Variants in LRRC7 observed in about 807,000 individuals in gnomAD.
LRRC7 encodes the protein leucine-rich repeat-containing protein 7.
In LRRC7, 23 loss-of-function variants were observed where a neutral mutation model predicts 175.7. That is an observed-to-expected ratio of 0.13 (90% CI 0.09 to 0.19). The LOEUF (loss-of-function observed/expected upper bound fraction) is 0.19, where lower values mean the gene tolerates loss of function less well. Among genes scored for constraint, LRRC7 ranks in the 10% least tolerant of loss-of-function variants. The pLI, the probability that LRRC7 is intolerant of heterozygous loss-of-function variation, is 1.00. For missense variants in LRRC7, 1,354 were observed against 1,904.7 expected, an observed-to-expected ratio of 0.71 and a Z score of 5.38; for synonymous variants, 685 against 680.9, an observed-to-expected ratio of 1.01 and a Z score of -0.09.
intron 7 of LRRC7, among the ~76,000 whole-genome samples, chr1:69,856,767 G>A (rs1434410784): frequency 6.6e-6 from 1 of 152,100 alleles, no homozygotes; most frequent in Non-Finnish European, 1.5e-5. Context: ...GTTTTATGAG[G>A]CCAGCATCAT....
chr1:69,809,509 C>T (rs1253596340), intron 4 of LRRC7, among the ~76,000 whole-genome samples: 1 of 152,046 alleles, frequency 6.6e-6, no homozygotes, highest in African/African-American at 2.4e-5. Flanking sequence ...TGGTGAACAT[C>T]GATGCAAAAA....
chr1:69,928,924 G>A (rs560892282), intron 7 of LRRC7, among the ~76,000 whole-genome samples: 226 of 152,314 alleles, frequency 1.5e-3, no homozygotes, highest in African/African-American at 4.7e-3. Context: ...GCTGTAGACC[G>A]GAGCTGTTCC....
intron 10 of LRRC7, among the ~76,000 whole-genome samples, chr1:69,990,051 A>C (rs1654289775): frequency 6.6e-6 from 1 of 152,126 alleles, no homozygotes; most frequent in Non-Finnish European, 1.5e-5. Context: ...GTGAGCACAC[A>C]ACAAATATAT....
intron 8 of LRRC7, among the ~76,000 whole-genome samples, chr1:69,959,545 C>T (rs2101840144): frequency 6.6e-6 from 1 of 152,092 alleles, no homozygotes; most frequent in Non-Finnish European, 1.5e-5. Flanking sequence ...GAATAAGTTA[C>T]TGAGGTGGAG....
intron 1 of LRRC7, among the ~76,000 whole-genome samples, chr1:69,645,512 TTTTG>T (rs1272793374): frequency 6.6e-6 from 1 of 152,030 alleles, no homozygotes; most frequent in Non-Finnish European, 1.5e-5. Flanking sequence ...TCTTTTCCCT[TTTTG>T]TTCAATTCTC....
rs184525517 is a variant in LRRC7, at chr1:70,078,367, C to T, written c.4452+2069C>T. Reference sequence around the variant, plus strand: ...TGGCCAGCTCATATTGGCACATTGTCATGTGCTCCTCTTCCCAATGGCACC... The same window carrying T: ...TGGCCAGCTCATATTGGCACATTGTTATGTGCTCCTCTTCCCAATGGCACC... On this transcript the variant is annotated intron_variant, in intron 24 of 26. Transcript: ENST00000651989. Among the ~76,000 whole-genome samples, 165 of 152,228 alleles carry T rather than the reference C, an allele frequency of 1.1e-3. 1 individual carries two copies. Among genetic ancestry groups the T allele is most frequent in the African/African-American group, 3.8e-3 (156 of 41,556 alleles).
At chr1:69,578,705 C>T (rs1383235916) in intron 1 of LRRC7, among the ~76,000 whole-genome samples, 1 of 149,254 alleles carries the variant, frequency 6.7e-6, no homozygotes, top group Non-Finnish European at 1.5e-5. Flanking sequence ...AAAAACCAAA[C>T]ACCACATATT....
At chr1:70,110,681 T>C (rs1245378947) in intron 26 of LRRC7, among the ~76,000 whole-genome samples, 2 of 152,190 alleles carry the variant, frequency 1.3e-5, no homozygotes, top group African/African-American at 4.8e-5. Flanking sequence ...AACTCACTTG[T>C]ACCTAGTCCA....
intron 1 of LRRC7, among the ~76,000 whole-genome samples, chr1:69,628,136 T>C (rs1257746293): frequency 2.6e-5 from 4 of 152,064 alleles, no homozygotes; most frequent in African/African-American, 9.7e-5. Flanking sequence ...TCCTAGCTAA[T>C]GCTATAAGAG....
Position 70,114,602 on chromosome 1 carries a change from C to A in LRRC7, c.4620+6776C>A, listed in dbSNP as rs554351034. ...ACTCAAGAGGCTGAGGTAGGAGGATCCTTCAAGCCCAGGAGGTTGAGGCTG... is the reference window on the plus strand; with the variant it reads ...ACTCAAGAGGCTGAGGTAGGAGGATACTTCAAGCCCAGGAGGTTGAGGCTG... On this transcript the variant is annotated intron_variant, in intron 26 of 26. Transcript: ENST00000651989. Among the ~76,000 whole-genome samples, 14 of 152,238 alleles carry A rather than the reference C, an allele frequency of 9.2e-5. 1 individual carries two copies. The South Asian group carries it at 2.5e-3, about 27-fold the overall frequency.
intron 13 of LRRC7, among the ~76,000 whole-genome samples, chr1:70,015,904 G>C (rs918655293): frequency 6.6e-6 from 1 of 152,122 alleles, no homozygotes; most frequent in African/African-American, 2.4e-5. Flanking sequence ...CTACAGTTTA[G>C]TTTTCAAGGG....
At chr1:70,072,895 T>A (rs1264805727) in intron 23 of LRRC7, among the ~76,000 whole-genome samples, 1 of 152,212 alleles carries the variant, frequency 6.6e-6, no homozygotes, top group Non-Finnish European at 1.5e-5. Flanking sequence ...CTTTTGTTCC[T>A]TTTCATGGTT....
intron 2 of LRRC7, among the ~76,000 whole-genome samples, chr1:69,733,969 G>T (rs1283381633): frequency 2.0e-5 from 3 of 151,908 alleles, no homozygotes; most frequent in Admixed American, 6.6e-5. Flanking sequence ...CTATAAATAG[G>T]AGTTTGAGTT....
rs934843378 is a variant in LRRC7, at chr1:70,129,458, A to G, written c.*7571A>G. On this transcript the variant is annotated 3_prime_UTR_variant, in exon 27 of 27. Transcript: ENST00000651989. ...AGGAAATGAAGAAAGGTGTTCCTCA[A>G]CTTGGTCCAGCACTGAGTCTGTATG... Among the ~76,000 whole-genome samples, 1 of 152,196 alleles carries G rather than the reference A, an allele frequency of 6.6e-6. No individual in the cohort carries two copies. Among genetic ancestry groups the G allele is most frequent in the Non-Finnish European group, 1.5e-5 (1 of 68,032 alleles).
At chr1:69,868,894 T>C (rs1204551497) in intron 7 of LRRC7, among the ~76,000 whole-genome samples, 1 of 144,002 alleles carries the variant, frequency 6.9e-6, no homozygotes, top group Non-Finnish European at 1.5e-5. Flanking sequence ...TATCTATCTA[T>C]ATATGTATGT....
At chr1:69,831,599 T>C (rs1038050404) in intron 5 of LRRC7, among the ~76,000 whole-genome samples, 2 of 152,238 alleles carry the variant, frequency 1.3e-5, no homozygotes, top group African/African-American at 4.8e-5. Context: ...TTCTTACCTC[T>C]ACATTATAAA....
intron 2 of LRRC7, among the ~76,000 whole-genome samples, chr1:69,717,628 G>T (rs1665525999): frequency 6.6e-6 from 1 of 151,462 alleles, no homozygotes; most frequent in African/African-American, 2.4e-5. Context: ...TCAAAGTTCA[G>T]TTGGGCCAAC....
chr1:69,867,152 C>T (rs1685038308), intron 7 of LRRC7, among the ~76,000 whole-genome samples: 3 of 152,112 alleles, frequency 2.0e-5, no homozygotes, highest in Admixed American at 2.0e-4. Context: ...TTAGTCTCCT[C>T]TCTCTTTTAA....
intron 9 of LRRC7, among the ~76,000 whole-genome samples, chr1:69,984,396 ATTTG>A (rs1199871526): frequency 1.3e-5 from 2 of 152,184 alleles, no homozygotes; most frequent in African/African-American, 2.4e-5. Context: ...TTTATTGTGT[ATTTG>A]TTTATTTATA....
Sources: gnomAD v4.1 joint callset for allele counts (sites outside exome capture counted in the v4.1 genomes callset) on GRCh38, gnomAD v4.1.1 for gene constraint, MANE v1.5 for transcripts, NCBI Gene and HGNC (gene_info 2026-07-23, HGNC 2026-07-21) for gene names.